The following GOSR2 variants were observed in gnomAD, a reference collection of about 807,000 sequenced individuals.
The protein encoded by GOSR2 is golgi SNAP receptor complex member 2, also known as 27 kDa Golgi SNARE protein.
In GOSR2, 20 loss-of-function variants were observed where a neutral mutation model predicts 27.9. The ratio of observed to expected loss-of-function variants is 0.72; its 90% CI spans 0.50 to 1.04. The LOEUF (loss-of-function observed/expected upper bound fraction) is 1.04, where lower values mean the gene tolerates loss of function less well. Ranked by LOEUF, GOSR2 falls within the 50% of genes least tolerant of loss-of-function variation. GOSR2 has a pLI of 0.00. For missense variants in GOSR2, 261 were observed against 270.5 expected, an observed-to-expected ratio of 0.97 and a Z score of 0.25; for synonymous variants, 91 against 98.8, an observed-to-expected ratio of 0.92 and a Z score of 0.47.
intron 6 of GOSR2, chr17:46,963,598 G>A (rs944703672): frequency 2.6e-5 from 4 of 151,638 alleles, no homozygotes; most frequent in Admixed American, 2.6e-4. Context: ...ATTATAGTTT[G>A]GACACACTTC....
chr17:46,935,158 C>CTA lies in GOSR2; in HGVS notation c.467_468insAT (p.Thr157Ter). ...TTTAGATGGACTGAGGACCCAGAGA[C>CTA]TGACCTTGAAGGTGGGGTCCCTGCT... On this transcript the variant is annotated frameshift_variant, in exon 5 of 6. Coordinates refer to ENST00000640051, the MANE Select transcript of GOSR2 (RefSeq NM_004287.5). LOFTEE classifies it high-confidence loss of function. 6.2e-7 allele frequency: 1 copy of CTA among 1,614,130 alleles called. No individual in the cohort carries two copies. Among genetic ancestry groups the CTA allele is most frequent in the Non-Finnish European group, 8.5e-7 (1 of 1,179,910 alleles).
chr17:46,961,569 C>G (rs2031238762), intron 6 of GOSR2, among the ~76,000 whole-genome samples: 1 of 151,962 alleles, frequency 6.6e-6, no homozygotes, highest in South Asian at 2.1e-4. Context: ...AGTGTAGCAA[C>G]AGCAAATCAG....
intron 6 of GOSR2, among the ~76,000 whole-genome samples, chr17:46,973,645 A>G (rs1371993809): frequency 6.6e-6 from 1 of 152,102 alleles, no homozygotes; most frequent in African/African-American, 2.4e-5. Context: ...AGAGGCTGGG[A>G]CACCTGCCCC....
At chr17:46,961,810 C>A (rs779466952) in intron 6 of GOSR2, among the ~76,000 whole-genome samples, 2 of 152,110 alleles carry the variant, frequency 1.3e-5, no homozygotes, top group Non-Finnish European at 2.9e-5. Context: ...AAAATGTACA[C>A]CCTTTATCTA....
At chr17:46,974,987 CTTTTTTTT>C (rs58438726) in intron 6 of GOSR2, among the ~76,000 whole-genome samples, 14,920 of 119,144 alleles carry the variant, frequency 0.13, 593 homozygotes, top group East Asian at 0.19. Flanking sequence ...TTACTATTTT[CTTTTTTTT>C]TTTTTTTTTT....
intron 6 of GOSR2, among the ~76,000 whole-genome samples, chr17:46,974,738 A>AG (rs1402221724): frequency 1.3e-4 from 9 of 69,922 alleles, no homozygotes; most frequent in African/African-American, 3.3e-4. Context: ...TCTCTCAAAA[A>AG]AAAAAAAAAA....
chr17:46,974,901 A>G (rs954292441), intron 6 of GOSR2, among the ~76,000 whole-genome samples: 3 of 152,100 alleles, frequency 2.0e-5, no homozygotes, highest in Non-Finnish European at 4.4e-5. Context: ...AGTGTTTGGC[A>G]TATTAGGCAT....
intron 6 of GOSR2, among the ~76,000 whole-genome samples, chr17:46,957,118 G>A (rs1005458757): frequency 2.6e-5 from 4 of 152,138 alleles, no homozygotes; most frequent in African/African-American, 9.7e-5. Flanking sequence ...AAACCATCCT[G>A]GGTGACATGG....
chr17:46,934,022 T>C (rs1341183542), intron 4 of GOSR2, among the ~76,000 whole-genome samples: 1 of 151,818 alleles, frequency 6.6e-6, no homozygotes, highest in East Asian at 1.9e-4. Context: ...AAGGGAACGC[T>C]CTCACAGCTG....
chr17:46,940,785 T>A lies in GOSR2; in HGVS notation c.*2025T>A, dbSNP rs988735525. ...CAGTCCTCTAGTTTGGAATAAAAAT[T>A]GCAGAGGTGGTTTTTGGGTCTTTAC... On this transcript the variant is annotated 3_prime_UTR_variant, in exon 6 of 6. Transcript: ENST00000640051. 2 of 1,508,512 alleles carry A rather than the reference T, an allele frequency of 1.3e-6. No homozygotes were observed. The highest frequency in any genetic ancestry group is 2.8e-5 in the African/African-American group (2 of 72,292). 93.4% of individuals were successfully genotyped at this position (1,508,512 alleles called of 1,614,324 possible). A position where few individuals can be genotyped will look rare whatever the true frequency, so the allele number is the denominator to read the frequency against.
At position 46,955,246 on chromosome 17, in the gene GOSR2, A is replaced by G. The variant is rs867889348; in HGVS notation, c.584-11288A>G. Among the ~76,000 whole-genome samples, 362 of 152,124 alleles carry G rather than the reference A, an allele frequency of 2.4e-3. 3 individuals are homozygous for G. The highest frequency in any genetic ancestry group is 6.8e-3 in the Middle Eastern group (2 of 294). ...ATGAAGGGTTGTTGAATTTTGTCAA[A>G]GGCCTTTTCTGCATCTATTGAGATA... On this transcript the variant is annotated intron_variant, in intron 6 of 6. Coordinates refer to the GOSR2 transcript ENST00000573224.
At chr17:46,957,454 A>G (rs1016473851) in intron 6 of GOSR2, among the ~76,000 whole-genome samples, 2 of 152,112 alleles carry the variant, frequency 1.3e-5, no homozygotes, top group African/African-American at 4.8e-5. Context: ...CTCTACTAAA[A>G]ATACAAAAAC....
At chr17:46,945,114 G>A (rs1315055658), downstream of GOSR2, among the ~76,000 whole-genome samples, 1 of 152,204 alleles carries the variant, frequency 6.6e-6, no homozygotes. Flanking sequence ...CGAGGTGATG[G>A]GTGTGTGAAG....
At chr17:46,953,842 G>C (rs1333614583) in intron 6 of GOSR2, among the ~76,000 whole-genome samples, 3 of 152,080 alleles carry the variant, frequency 2.0e-5, no homozygotes, top group Non-Finnish European at 4.4e-5. Flanking sequence ...GTCTTCTTTT[G>C]AGAAGTGTAT....
rs747774727 is a variant in GOSR2, at chr17:46,940,011, C to T, written c.*1251C>T. 2.0e-6 allele frequency: 2 copies of T among 1,009,850 alleles called. No individual in the cohort carries two copies. The highest frequency in any genetic ancestry group is 2.4e-6 in the Non-Finnish European group (2 of 843,652). The allele number at this position is 1,009,850 out of a possible 1,614,324, so 62.6% of individuals were successfully genotyped here. On this transcript the variant is annotated 3_prime_UTR_variant, in exon 6 of 6. Transcript: ENST00000640051. ...AATCCTTCAGATCTGGAAACCGGCT[C>T]AGTATTAACCCTACCTTTGGTTGTC...
At chr17:46,943,358 C>T (rs559350040), downstream of GOSR2, among the ~76,000 whole-genome samples, 1 of 152,340 alleles carries the variant, frequency 6.6e-6, no homozygotes, top group African/African-American at 2.4e-5. Flanking sequence ...AGTGCAGCCC[C>T]CAGCCCTCCC....
rs2088817717 is a variant in GOSR2, at chr17:46,938,649, C to T, written c.528C>T (p.Asn176=). ...TTGCCAACATGCTGGGCTTGTCCAA[C>T]ACAGTGATGCGGCTCATCGAGAAGC... ...LDIANMLGLS[N]TVMRLIEKRA... Residue 176 remains asparagine, a synonymous_variant, in exon 6 of 6, where the codon AAC becomes AAT. Transcript: ENST00000640051. 1 of 1,614,116 alleles carries T rather than the reference C, an allele frequency of 6.2e-7. No homozygotes were observed. The highest frequency in any genetic ancestry group is 8.5e-7 in the Non-Finnish European group (1 of 1,180,008).
downstream of GOSR2, among the ~76,000 whole-genome samples, chr17:46,944,952 G>A (rs560426012): frequency 3.3e-5 from 5 of 152,270 alleles, no homozygotes; most frequent in East Asian, 1.9e-4. Context: ...TGAGAACCAC[G>A]GCTGTCAGTG....
At chr17:46,963,471 G>T (rs1255832826) in intron 6 of GOSR2, among the ~76,000 whole-genome samples, 1 of 151,828 alleles carries the variant, frequency 6.6e-6, no homozygotes, top group Admixed American at 6.6e-5. Flanking sequence ...CTTGAACCTG[G>T]GAGGTGGAGG....
Sources: gnomAD v4.1 joint callset for allele counts (sites outside exome capture counted in the v4.1 genomes callset) on GRCh38, gnomAD v4.1.1 for gene constraint, MANE v1.5 for transcripts, NCBI Gene and HGNC (gene_info 2026-07-23, HGNC 2026-07-21) for gene names.